GRM8: variants seen among roughly 807,000 people sequenced by gnomAD.
GRM8 encodes glutamate metabotropic receptor 8.
A neutral mutation model predicts 87.2 loss-of-function variants in GRM8; 47 were observed. That is an observed-to-expected ratio of 0.54 (90% CI 0.43 to 0.69). GRM8 has a LOEUF of 0.69. GRM8 is among the 30% of genes least tolerant of loss of function. The pLI is 0.00. For synonymous variants in GRM8, 396 were observed against 404.5 expected (o/e 0.98, Z 0.25); for missense variants, 1,019 against 1,139.2 (o/e 0.89, Z 1.52).
intron 3 of GRM8, among the ~76,000 whole-genome samples, chr7:127,099,978 T>C (rs1276210205): frequency 6.6e-6 from 1 of 151,990 alleles, no homozygotes; most frequent in African/African-American, 2.4e-5. Flanking sequence ...CACAAGAAGA[T>C]GGTCATGTGA....
chr7:126,533,870 C>T lies in GRM8; in HGVS notation c.1512G>A (p.Trp504Ter). The T allele has an allele frequency of 6.2e-7, 1 of 1,612,362 alleles. No homozygotes were observed. Among genetic ancestry groups the T allele is most frequent in the East Asian group, 2.2e-5 (1 of 44,852 alleles). The part of the protein sequence containing the change: ...QLHLKVEDMQ[W>*]AHREHTHPAS... ...CCGGGTGAGTATGTTCTCTATGAGC[C>T]CACTGCATGTCTTCCACCTGTGGGT... The change falls in exon 9 of 11, where the codon TGG (tryptophan) becomes TGA (stop). Residue 504 changes from tryptophan (W) to a stop codon, truncating the protein, a stop_gained. Coordinates refer to ENST00000339582, the MANE Select transcript of GRM8 (RefSeq NM_000845.3). LOFTEE classifies it high-confidence loss of function.
At chr7:127,235,080 A>G (rs1190286628) in intron 2 of GRM8, among the ~76,000 whole-genome samples, 3 of 152,224 alleles carry the variant, frequency 2.0e-5, no homozygotes, top group Admixed American at 6.5e-5. Flanking sequence ...AAACCAAAAT[A>G]TATAACATCC....
intron 2 of GRM8, among the ~76,000 whole-genome samples, chr7:127,201,499 G>T (rs910462030): frequency 2.0e-5 from 3 of 152,140 alleles, no homozygotes; most frequent in African/African-American, 7.2e-5. Flanking sequence ...GCTAAAATAT[G>T]TTTGGTGGTT....
intron 3 of GRM8, among the ~76,000 whole-genome samples, chr7:126,924,277 T>G (rs1282150544): frequency 6.6e-6 from 1 of 152,200 alleles, no homozygotes; most frequent in African/African-American, 2.4e-5. Flanking sequence ...AGGGCATTCC[T>G]TCATTTTAAT....
intron 7 of GRM8, among the ~76,000 whole-genome samples, chr7:126,661,522 T>G (rs552581367): frequency 4.6e-5 from 7 of 152,154 alleles, no homozygotes; most frequent in Non-Finnish European, 1.0e-4. Flanking sequence ...AGGACTCCAC[T>G]CATTACAGGA....
chr7:127,082,671 T>G (rs1390844750), intron 3 of GRM8, among the ~76,000 whole-genome samples: 1 of 152,210 alleles, frequency 6.6e-6, no homozygotes, highest in Non-Finnish European at 1.5e-5. Context: ...TATTAGTCAT[T>G]AACACTACTG....
intron 3 of GRM8, among the ~76,000 whole-genome samples, chr7:126,949,796 G>A (rs1456459526): frequency 2.6e-5 from 4 of 152,208 alleles, no homozygotes; most frequent in African/African-American, 9.6e-5. Flanking sequence ...AAGGAAGGGT[G>A]GGGAGGAGGA....
intron 8 of GRM8, among the ~76,000 whole-genome samples, chr7:126,584,841 C>T (rs1338727076): frequency 2.1e-5 from 3 of 143,002 alleles, no homozygotes; most frequent in East Asian, 4.0e-4. Flanking sequence ...GCTGTGAGAG[C>T]AAAAAAAAAA....
rs552135564 is a variant in GRM8 at position 126,963,700 on chromosome 7, TG to T, written c.728-59018del. Among the ~76,000 whole-genome samples the T allele has an allele frequency of 2.0e-4, 31 of 152,324 alleles. No individual in the cohort carries two copies. In the East Asian group the frequency reaches 5.8e-3, roughly 28 times the overall value. The stretch of plus-strand genomic sequence containing the variant: ...TAAATGGAAAGACATTCCATGCTCA[TG>T]GATAGGAAGAATCAATATCATGAAA... On this transcript the variant is annotated intron_variant, in intron 3 of 10. Coordinates refer to ENST00000339582, the MANE Select transcript of GRM8 (RefSeq NM_000845.3).
Position 126,990,616 on chromosome 7 carries a change from G to T in GRM8, c.728-85933C>A, listed in dbSNP as rs144232954. 2.0e-3 allele frequency among the ~76,000 whole-genome samples: 302 copies of T among 152,314 alleles called. 1 individual carries two copies. The highest frequency in any genetic ancestry group is 6.7e-3 in the African/African-American group (280 of 41,572). The stretch of plus-strand genomic sequence containing the variant: ...CAGACAAATGCTTTCCAATGGAGAT[G>T]CTACTTAAGACAGCCATGGTTTAAA... On this transcript the variant is annotated intron_variant, in intron 3 of 10. Transcript: ENST00000339582.
chr7:126,569,454 TA>T (rs1233983460), intron 8 of GRM8, among the ~76,000 whole-genome samples: 42 of 152,334 alleles, frequency 2.8e-4, no homozygotes, highest in Middle Eastern at 3.4e-3. Flanking sequence ...AAGTGAATTT[TA>T]TTTTTAATTA....
At chr7:126,447,263 CA>C (rs1393643902) in intron 9 of GRM8, 1 of 151,814 alleles carries the variant, frequency 6.6e-6, no homozygotes, top group Non-Finnish European at 1.5e-5. Flanking sequence ...ACAGAAACAG[CA>C]GTATTTCATT....
chr7:126,680,247 A>C (rs915205382), intron 7 of GRM8, among the ~76,000 whole-genome samples: 3 of 152,180 alleles, frequency 2.0e-5, no homozygotes, highest in African/African-American at 7.2e-5. Flanking sequence ...CATTGACAGA[A>C]GACTGTCAAG....
intron 6 of GRM8, among the ~76,000 whole-genome samples, chr7:126,888,194 G>C (rs929525205): frequency 9.2e-5 from 14 of 152,224 alleles, no homozygotes; most frequent in African/African-American, 2.9e-4. Context: ...CTGGCAGCCA[G>C]CCCATTCTGT....
At chr7:127,071,118 C>A (rs1166599666) in intron 3 of GRM8, among the ~76,000 whole-genome samples, 1 of 152,010 alleles carries the variant, frequency 6.6e-6, no homozygotes, top group Non-Finnish European at 1.5e-5. Flanking sequence ...AACATCACTG[C>A]CAAAGAAGTT....
chr7:126,495,881 A>T (rs1808648859), intron 9 of GRM8, among the ~76,000 whole-genome samples: 1 of 152,022 alleles, frequency 6.6e-6, no homozygotes, highest in Non-Finnish European at 1.5e-5. Context: ...GAAAATATCC[A>T]ATCTCACTAG....
chr7:127,038,220 G>T (rs1818027958), intron 3 of GRM8, among the ~76,000 whole-genome samples: 1 of 152,084 alleles, frequency 6.6e-6, no homozygotes, highest in Admixed American at 6.6e-5. Context: ...AACATAGCAA[G>T]ATATGCCTGG....
intron 7 of GRM8, among the ~76,000 whole-genome samples, chr7:126,725,393 T>C (rs1428703752): frequency 6.6e-6 from 1 of 152,190 alleles, no homozygotes; most frequent in Non-Finnish European, 1.5e-5. Flanking sequence ...TTCCAAGACT[T>C]ACACTGCCTA....
intron 9 of GRM8, among the ~76,000 whole-genome samples, chr7:126,462,195 G>A (rs1246764838): frequency 1.3e-5 from 2 of 151,616 alleles, no homozygotes; most frequent in East Asian, 1.9e-4. Context: ...ACTTTTCCAA[G>A]TGTGAAAATA....
Sources: gnomAD v4.1 joint callset for allele counts (sites outside exome capture counted in the v4.1 genomes callset) on GRCh38, gnomAD v4.1.1 for gene constraint, MANE v1.5 for transcripts, NCBI Gene and HGNC (gene_info 2026-07-23, HGNC 2026-07-21) for gene names.